DCUN1D2: variants seen among roughly 807,000 people sequenced by gnomAD.
The protein encoded by DCUN1D2 is DCN1-like protein 2.
DCUN1D2 carries 29 observed loss-of-function variants against 30.9 expected under a neutral mutation model. That is an observed-to-expected ratio of 0.94 (90% CI 0.70 to 1.28). The LOEUF (loss-of-function observed/expected upper bound fraction) is 1.28. Among genes scored for constraint, DCUN1D2 ranks in the 50% most tolerant of loss-of-function variants. DCUN1D2 has a pLI of 0.00. For missense variants in DCUN1D2, 325 were observed against 316.9 expected, an observed-to-expected ratio of 1.03 and a Z score of -0.19; for synonymous variants, 121 against 115.3, an observed-to-expected ratio of 1.05 and a Z score of -0.32.
rs564674042 is a variant in DCUN1D2 at position 113,456,679 on chromosome 13, G to A, written c.*1350C>T. On this transcript the variant is annotated 3_prime_UTR_variant, in exon 7 of 7. Coordinates refer to ENST00000478244, the MANE Select transcript of DCUN1D2 (RefSeq NM_001014283.2). ...CTCGTGGGTCCTCCTCAACCAGGCG[G>A]ACACGAGAAACAGATGATAACATGG... The A allele has an allele frequency of 3.7e-6, 1 of 272,744 alleles. No individual in the cohort carries two copies. Among genetic ancestry groups the A allele is most frequent in the East Asian group, 6.5e-5 (1 of 15,424 alleles). The allele number at this position is 272,744 out of a possible 1,614,324, so 16.9% of individuals were successfully genotyped here. A position where few individuals can be genotyped will look rare whatever the true frequency, so the allele number is the denominator to read the frequency against.
intron 2 of DCUN1D2, among the ~76,000 whole-genome samples, chr13:113,482,515 C>T (rs1241778758): frequency 6.6e-6 from 1 of 152,132 alleles, no homozygotes; most frequent in Non-Finnish European, 1.5e-5. Flanking sequence ...AAGTACAAAC[C>T]TGGTTTGTTT....
intron 4 of DCUN1D2, among the ~76,000 whole-genome samples, chr13:113,468,588 C>T (rs544673779): frequency 9.2e-5 from 14 of 152,120 alleles, no homozygotes; most frequent in Non-Finnish European, 1.6e-4. Context: ...CTGGTTTAAA[C>T]GCGAGACGTG....
At chr13:113,468,699 G>A (rs1025062449) in intron 4 of DCUN1D2, among the ~76,000 whole-genome samples, 7 of 143,774 alleles carry the variant, frequency 4.9e-5, no homozygotes, top group Non-Finnish European at 1.0e-4. Flanking sequence ...AGGCAGCACA[G>A]TGTGTAACCT....
In DCUN1D2 at chr13:113,462,992, G is replaced by C. The variant is rs138981811; in HGVS notation, c.521-1856C>G. ...ACTTTTCTTACAAAGGACCTGATTT[G>C]TATGTTTGTCAATCACATTATCAAA... On this transcript the variant is annotated intron_variant, in intron 4 of 6. Coordinates refer to ENST00000478244, the MANE Select transcript of DCUN1D2 (RefSeq NM_001014283.2). 6.8e-4 allele frequency: 287 copies of C among 424,276 alleles called. 2 individuals carry two copies. Among genetic ancestry groups the C allele is most frequent in the African/African-American group, 5.7e-3 (265 of 46,478 alleles). The allele number at this position is 424,276 out of a possible 1,614,324, so 26.3% of individuals were successfully genotyped here. A position where few individuals can be genotyped will look rare whatever the true frequency, so the allele number is the denominator to read the frequency against.
intron 2 of DCUN1D2, among the ~76,000 whole-genome samples, chr13:113,482,448 T>C (rs1283803949): frequency 6.6e-6 from 1 of 152,190 alleles, no homozygotes; most frequent in East Asian, 1.9e-4. Context: ...AGCCAAAAAT[T>C]TTTAAAGTAG....
At chr13:113,460,978 G>A (rs1361524699) in intron 5 of DCUN1D2, 76 bp downstream of exon 5, 2 of 884,774 alleles carry the variant, frequency 2.3e-6, no homozygotes, top group Non-Finnish European at 3.6e-6. Context: ...ACCTGAGGTG[G>A]ATGATTACAT....
rs1223034245 is a variant in DCUN1D2, at chr13:113,456,437, A to C, written c.*1592T>G. ...GGGTAAGTCCTGTTCTCAGAAGCCA[A>C]CCCAGCTGCTTGTCTGGGCCATGCT... On this transcript the variant is annotated 3_prime_UTR_variant, in exon 7 of 7. Transcript: ENST00000478244. 5 of 398,576 alleles carry C rather than the reference A, an allele frequency of 1.3e-5. No individual in the cohort carries two copies. Among genetic ancestry groups the C allele is most frequent in the Non-Finnish European group, 2.2e-5 (5 of 226,150 alleles). The allele number at this position is 398,576 out of a possible 1,614,324, so 24.7% of individuals were successfully genotyped here.
chr13:113,483,616 G>T (rs1225800941), intron 2 of DCUN1D2, among the ~76,000 whole-genome samples: 1 of 152,282 alleles, frequency 6.6e-6, no homozygotes. Flanking sequence ...CTGCCCCATC[G>T]CTGACTCCAC....
At position 113,483,966 on chromosome 13, in the gene DCUN1D2, G is replaced by C; in HGVS notation, c.94C>G (p.Gln32Glu). 1.2e-6 allele frequency: 2 copies of C among 1,614,242 alleles called. No individual in the cohort carries two copies. The highest frequency in any genetic ancestry group is 1.1e-5 in the South Asian group (1 of 91,084). The stretch of plus-strand genomic sequence containing the variant: ...GCCTCGTCTAGTCTCCACTCATTCT[G>C]CGTTAAGCAGTAGATAGCAGTTCTC... ...GERTAIYCLT[Q>E]NEWRLDEATD... The change falls in exon 2 of 7, where the codon CAG (glutamine) becomes GAG (glutamate). Residue 32 changes from glutamine (Q) to glutamate (E), a missense_variant. Transcript: ENST00000478244.
chr13:113,465,415 G>A (rs2044384656), intron 4 of DCUN1D2, among the ~76,000 whole-genome samples: 2 of 151,838 alleles, frequency 1.3e-5, no homozygotes, highest in Non-Finnish European at 2.9e-5. Flanking sequence ...TGAAATGGCC[G>A]AATTTTAGAA....
intron 4 of DCUN1D2, among the ~76,000 whole-genome samples, chr13:113,463,927 G>C (rs999849882): frequency 2.6e-5 from 4 of 152,146 alleles, no homozygotes; most frequent in African/African-American, 9.7e-5. Flanking sequence ...CACTTGTCTT[G>C]ACCTGTTCAA....
chr13:113,473,120 C>T (rs550097011), intron 4 of DCUN1D2, among the ~76,000 whole-genome samples: 44 of 150,050 alleles, frequency 2.9e-4, no homozygotes, highest in African/African-American at 1.0e-3. Flanking sequence ...CTCTGTCCCC[C>T]GTCTCTCTAT....
rs145606021 is a variant in DCUN1D2 at position 113,482,673 on chromosome 13, G to A, written c.220+1167C>T. Among the ~76,000 whole-genome samples, 237 of 152,224 alleles carry A rather than the reference G, an allele frequency of 1.6e-3. 1 individual carries two copies. Among genetic ancestry groups the A allele is most frequent in the African/African-American group, 5.4e-3 (225 of 41,490 alleles). On this transcript the variant is annotated intron_variant, in intron 2 of 6. Transcript: ENST00000478244. ...AATAAACAAGAACTTGGCTGGGTGC[G>A]GTGCCTCATGCCTGTAATCCCAGCA...
intron 3 of DCUN1D2, among the ~76,000 whole-genome samples, chr13:113,476,959 G>A (rs965094037): frequency 6.6e-6 from 1 of 152,134 alleles, no homozygotes; most frequent in African/African-American, 2.4e-5. Context: ...CCCCATACAC[G>A]GACTTCTTTC....
At position 113,483,918 on chromosome 13, in the gene DCUN1D2, G is replaced by C. The variant is rs769990422; in HGVS notation, c.142C>G (p.Pro48Ala). ...DEATDSFFQNPDSLHRESMRN... is the reference protein window; with the variant it reads ...DEATDSFFQNADSLHRESMRN... ...ATGGACTCCCTGTGGAGCGAGTCTG[G>C]GTTTTGGAAGAAGCTGTCCGTGGCC... Residue 48 changes from proline (P) to alanine (A), a missense_variant, in exon 2 of 7, where the codon CCA becomes GCA. Transcript: ENST00000478244. 3 of 1,614,036 alleles carry C rather than the reference G, an allele frequency of 1.9e-6. No individual in the cohort carries two copies. In the East Asian group the frequency reaches 6.7e-5, roughly 36 times the overall value.
intron 4 of DCUN1D2, among the ~76,000 whole-genome samples, chr13:113,472,025 A>AC (rs1011860103): frequency 1.5e-4 from 22 of 150,136 alleles, no homozygotes; most frequent in Admixed American, 2.0e-4. Context: ...AGAGTGTATT[A>AC]CCCCCCCAAC....
chr13:113,482,538 T>G (rs892728149), intron 2 of DCUN1D2, among the ~76,000 whole-genome samples: 1 of 152,174 alleles, frequency 6.6e-6, no homozygotes, highest in Non-Finnish European at 1.5e-5. Context: ...CCACTGACTA[T>G]GTTTCTGAGC....
At chr13:113,472,610 A>G (rs2044541402) in intron 4 of DCUN1D2, among the ~76,000 whole-genome samples, 1 of 152,218 alleles carries the variant, frequency 6.6e-6, no homozygotes, top group African/African-American at 2.4e-5. Flanking sequence ...CTTTCTGAGC[A>G]GCCTGCACCT....
chr13:113,482,563 G>C (rs2044729047), intron 2 of DCUN1D2, among the ~76,000 whole-genome samples: 1 of 152,082 alleles, frequency 6.6e-6, no homozygotes, highest in Non-Finnish European at 1.5e-5. Flanking sequence ...ATTTTTTAAA[G>C]CAATTTTCAA....
Sources: gnomAD v4.1 joint callset for allele counts (sites outside exome capture counted in the v4.1 genomes callset) on GRCh38, gnomAD v4.1.1 for gene constraint, MANE v1.5 for transcripts, NCBI Gene and HGNC (gene_info 2026-07-23, HGNC 2026-07-21) for gene names.